NEGR1: variants seen among roughly 807,000 people sequenced by gnomAD.
The protein encoded by NEGR1 is neuronal growth regulator 1.
NEGR1 carries 10 observed loss-of-function variants against 40.9 expected under a neutral mutation model. The observed-to-expected ratio is 0.24, with a 90% confidence interval of 0.15 to 0.42. The LOEUF (loss-of-function observed/expected upper bound fraction) is 0.42. Among genes scored for constraint, NEGR1 ranks in the 10% least tolerant of loss-of-function variants. The pLI is 1.00. For missense variants in NEGR1, 352 were observed against 438.9 expected (o/e 0.80, Z 1.77); for synonymous variants, 185 against 166.8 (o/e 1.11, Z -0.84).
intron 6 of NEGR1, among the ~76,000 whole-genome samples, chr1:71,474,472 G>A (rs1470639128): frequency 6.1e-5 from 9 of 148,760 alleles, no homozygotes; most frequent in South Asian, 4.4e-4. Context: ...TCAGGAGTTC[G>A]AGATGAGCCT....
At chr1:71,861,713 G>A (rs2101823658) in intron 2 of NEGR1, among the ~76,000 whole-genome samples, 1 of 152,176 alleles carries the variant, frequency 6.6e-6, no homozygotes, top group African/African-American at 2.4e-5. Context: ...GATTATTACA[G>A]GGGAGACATG....
chr1:72,022,360 C>G (rs1032605931), intron 1 of NEGR1, among the ~76,000 whole-genome samples: 2 of 145,682 alleles, frequency 1.4e-5, no homozygotes. Flanking sequence ...ACCATTTAAA[C>G]ACATTGTTTC....
At chr1:71,731,504 C>G (rs1056467268) in intron 3 of NEGR1, among the ~76,000 whole-genome samples, 2 of 152,188 alleles carry the variant, frequency 1.3e-5, no homozygotes, top group Admixed American at 1.3e-4. Flanking sequence ...ATAAACTTAA[C>G]AGAACTATTG....
intron 2 of NEGR1, among the ~76,000 whole-genome samples, chr1:71,898,122 T>C (rs1460750006): frequency 6.6e-6 from 1 of 152,204 alleles, no homozygotes; most frequent in African/African-American, 2.4e-5. Context: ...ACAGTTTATC[T>C]TTCTTCTGAA....
chr1:71,787,560 A>ATTTT (rs200960239), intron 2 of NEGR1, among the ~76,000 whole-genome samples: 1 of 150,330 alleles, frequency 6.7e-6, no homozygotes, highest in Non-Finnish European at 1.5e-5. Flanking sequence ...GGAAATATTA[A>ATTTT]TTTTTTTTTT....
chr1:72,190,601 T>C (rs1262930887), intron 1 of NEGR1, among the ~76,000 whole-genome samples: 1 of 151,696 alleles, frequency 6.6e-6, no homozygotes, highest in Non-Finnish European at 1.5e-5. Context: ...GAAATGGTAT[T>C]CCTAAACATA....
intron 5 of NEGR1, among the ~76,000 whole-genome samples, chr1:71,599,547 T>C (rs1649848549): frequency 6.6e-6 from 1 of 152,212 alleles, no homozygotes; most frequent in African/African-American, 2.4e-5. Context: ...TGCTGCTTGA[T>C]ACTTAAGGCT....
chr1:71,824,466 G>A (rs1658545465), intron 2 of NEGR1, among the ~76,000 whole-genome samples: 2 of 151,738 alleles, frequency 1.3e-5, no homozygotes, highest in African/African-American at 4.8e-5. Context: ...CCATTATATT[G>A]AGCCTCACTT....
At position 71,506,826 on chromosome 1, in the gene NEGR1, A is replaced by C. The variant is rs557568263; in HGVS notation, c.940+85991T>G. Among the ~76,000 whole-genome samples, 68 of 152,304 alleles carry C rather than the reference A, an allele frequency of 4.5e-4. 2 individuals carry two copies. The South Asian group carries it at 0.014, about 31-fold the overall frequency. On this transcript the variant is annotated intron_variant, in intron 6 of 6. Coordinates refer to ENST00000357731, the MANE Select transcript of NEGR1 (RefSeq NM_173808.3). The stretch of plus-strand genomic sequence containing the variant: ...AAAAACAAAAACAAAAACAAAAAAA[A>C]CCATAATGGTTATGCTGTCATTGAT...
chr1:71,548,963 G>A (rs1647988918), intron 6 of NEGR1, among the ~76,000 whole-genome samples: 1 of 151,744 alleles, frequency 6.6e-6, no homozygotes, highest in Non-Finnish European at 1.5e-5. Flanking sequence ...ATATGAGTCT[G>A]TGTGGATAGA....
intron 1 of NEGR1, among the ~76,000 whole-genome samples, chr1:72,044,881 G>A (rs1646987564): frequency 6.6e-6 from 1 of 151,798 alleles, no homozygotes; most frequent in African/African-American, 2.4e-5. Flanking sequence ...CCACCAGAAA[G>A]AATAGAGGAA....
intron 1 of NEGR1, among the ~76,000 whole-genome samples, chr1:71,942,408 C>A (rs1195422764): frequency 8.9e-6 from 1 of 112,466 alleles, no homozygotes; most frequent in Admixed American, 1.1e-4. Flanking sequence ...GGTATTAATT[C>A]ATATAGTTTA....
intron 6 of NEGR1, among the ~76,000 whole-genome samples, chr1:71,541,644 A>G (rs1052865729): frequency 6.6e-6 from 1 of 151,746 alleles, no homozygotes; most frequent in Non-Finnish European, 1.5e-5. Context: ...CAGATTCAAC[A>G]TGGAACAGCA....
chr1:71,953,280 T>A (rs1254904503), intron 1 of NEGR1, among the ~76,000 whole-genome samples: 1 of 151,920 alleles, frequency 6.6e-6, no homozygotes, highest in East Asian at 1.9e-4. Flanking sequence ...TCGTAATTCA[T>A]GAGAAGAGGT....
rs187555084 is a variant in NEGR1, at chr1:71,837,789, T to C, written c.410-61492A>G. On this transcript the variant is annotated intron_variant, in intron 2 of 6. Coordinates refer to ENST00000357731, the MANE Select transcript of NEGR1 (RefSeq NM_173808.3). ...AGTAAAGCAAGGTCCATGAAATAGA[T>C]ATTGAGCTATTGTTAATCACTCACA... Among the ~76,000 whole-genome samples the C allele has an allele frequency of 2.0e-5, 3 of 152,256 alleles. No individual in the cohort carries two copies. In the East Asian group the frequency reaches 5.8e-4, roughly 29 times the overall value.
intron 1 of NEGR1, among the ~76,000 whole-genome samples, chr1:71,984,293 A>G (rs1455587921): frequency 8.5e-6 from 1 of 117,850 alleles, no homozygotes; most frequent in African/African-American, 2.7e-5. Flanking sequence ...CTTTTTTTTA[A>G]TTAAAAAAAT....
intron 2 of NEGR1, among the ~76,000 whole-genome samples, chr1:71,877,341 CA>C (rs2101839233): frequency 1.3e-5 from 2 of 152,174 alleles, no homozygotes; most frequent in South Asian, 4.1e-4. Context: ...ACTTAAACAA[CA>C]GAAATTTATT....
chr1:71,941,059 G>C (rs1438897364), intron 1 of NEGR1, among the ~76,000 whole-genome samples: 1 of 152,104 alleles, frequency 6.6e-6, no homozygotes, highest in African/African-American at 2.4e-5. Context: ...TTTTCTCTTG[G>C]ACTCAAAGCT....
intron 1 of NEGR1, among the ~76,000 whole-genome samples, chr1:72,248,211 T>G (rs550905782): frequency 6.6e-6 from 1 of 152,274 alleles, no homozygotes; most frequent in Admixed American, 6.5e-5. Flanking sequence ...ATAAGAGAAC[T>G]AATTAACCAA....
Sources: allele counts gnomAD v4.1 joint callset (sites outside exome capture counted in the v4.1 genomes callset), GRCh38; gene constraint gnomAD v4.1.1; transcripts MANE v1.5; gene names NCBI Gene and HGNC (gene_info 2026-07-23, HGNC 2026-07-21).